Variants in PCLO observed in about 807,000 individuals in gnomAD.
The protein encoded by PCLO is protein piccolo.
A neutral mutation model predicts 427.5 loss-of-function variants in PCLO; 82 were observed. The observed-to-expected ratio is 0.19, with a 90% CI of 0.16 to 0.23. The LOEUF (loss-of-function observed/expected upper bound fraction) is 0.23, where lower values mean the gene tolerates loss of function less well. Ranked by LOEUF, PCLO falls within the 10% of genes least tolerant of loss-of-function variation. PCLO has a pLI of 1.00. For missense variants in PCLO, 6,239 were observed against 6,115.9 expected, an observed-to-expected ratio of 1.02 and a Z score of -0.67; for synonymous variants, 2,357 against 2,155.4, an observed-to-expected ratio of 1.09 and a Z score of -2.59.
In PCLO at chr7:83,097,118, TA is replaced by T. The variant is rs752278147; in HGVS notation, c.3300+37131del. On this transcript the variant is annotated intron_variant, in intron 3 of 24. Coordinates refer to ENST00000333891, the MANE Select transcript of PCLO (RefSeq NM_033026.6). ...ATATGAATATATATTATATATTATATAAATATATTATACATTATACATTATA... is the reference window on the plus strand; with the variant it reads ...ATATGAATATATATTATATATTATATAATATATTATACATTATACATTATA... 7.2e-3 allele frequency among the ~76,000 whole-genome samples: 260 copies of T among 35,928 alleles called. 44 individuals carry two copies. The highest frequency in any genetic ancestry group is 0.024 in the African/African-American group (214 of 8,780). The allele number at this position is 35,928 out of a possible 152,430, so 23.6% of individuals were successfully genotyped here.
intron 16 of PCLO, among the ~76,000 whole-genome samples, chr7:82,834,958 TTG>T (rs1792192736): frequency 1.3e-5 from 2 of 151,038 alleles, no homozygotes; most frequent in African/African-American, 4.9e-5. Flanking sequence ...TTTTTTTTGT[TTG>T]TTTGTTTGTT....
chr7:83,025,478 T>A (rs1461753370), intron 3 of PCLO, among the ~76,000 whole-genome samples: 1 of 151,800 alleles, frequency 6.6e-6, no homozygotes, highest in African/African-American at 2.4e-5. Context: ...CTACATCTGA[T>A]TGGTGTACCT....
intron 6 of PCLO, among the ~76,000 whole-genome samples, chr7:82,939,546 AT>A (rs958352299): frequency 1.5e-4 from 23 of 150,958 alleles, no homozygotes; most frequent in Non-Finnish European, 3.1e-4. Flanking sequence ...AAATATATGT[AT>A]TTTTTTCCCA....
At chr7:83,055,464 T>C (rs1789355833) in intron 3 of PCLO, among the ~76,000 whole-genome samples, 1 of 152,138 alleles carries the variant, frequency 6.6e-6, no homozygotes, top group Non-Finnish European at 1.5e-5. Flanking sequence ...AGCATAAAAT[T>C]ATTTAGTTGA....
chr7:83,088,890 C>A (rs1790306605), intron 3 of PCLO, among the ~76,000 whole-genome samples: 1 of 152,094 alleles, frequency 6.6e-6, no homozygotes, highest in African/African-American at 2.4e-5. Flanking sequence ...ACGAGATAAT[C>A]TTTTGAAAAA....
At chr7:83,076,019 T>A (rs1789941313) in intron 3 of PCLO, among the ~76,000 whole-genome samples, 1 of 151,770 alleles carries the variant, frequency 6.6e-6, no homozygotes, top group Non-Finnish European at 1.5e-5. Context: ...ATATTGAGAA[T>A]GAATTAAAAA....
intron 4 of PCLO, among the ~76,000 whole-genome samples, chr7:82,957,547 A>G (rs1437451763): frequency 3.3e-5 from 5 of 152,214 alleles, no homozygotes; most frequent in Non-Finnish European, 7.4e-5. Flanking sequence ...ATGAAACACT[A>G]TATATACTTG....
chr7:82,919,435 G>C (rs1794545362), intron 6 of PCLO, among the ~76,000 whole-genome samples: 1 of 151,934 alleles, frequency 6.6e-6, no homozygotes, highest in Non-Finnish European at 1.5e-5. Context: ...TGAAGAAATA[G>C]AGACCCAGTG....
At chr7:82,807,966 A>T (rs186622780) in intron 20 of PCLO, among the ~76,000 whole-genome samples, 1 of 152,088 alleles carries the variant, frequency 6.6e-6, no homozygotes, top group Non-Finnish European at 1.5e-5. Flanking sequence ...GTTAGTGTTA[A>T]AAAAAACTTC....
At chr7:82,866,096 A>C (rs13229774) in intron 10 of PCLO, among the ~76,000 whole-genome samples, 39,033 of 152,016 alleles carry the variant, frequency 0.26, 5,370 homozygotes, top group Middle Eastern at 0.3. Flanking sequence ...TTGGCACACA[A>C]CAAGCATGCT....
intron 10 of PCLO, among the ~76,000 whole-genome samples, chr7:82,873,342 A>T (rs752356421): frequency 6.6e-6 from 1 of 151,998 alleles, no homozygotes; most frequent in Non-Finnish European, 1.5e-5. Context: ...ATTAGAATCA[A>T]TGAGATGTAA....
intron 3 of PCLO, among the ~76,000 whole-genome samples, chr7:83,115,453 T>C (rs1014801720): frequency 6.6e-6 from 1 of 152,054 alleles, no homozygotes; most frequent in African/African-American, 2.4e-5. Context: ...AAAAGATAAA[T>C]GCCACAATCT....
intron 22 of PCLO, among the ~76,000 whole-genome samples, chr7:82,783,116 T>G (rs1375664708): frequency 1.3e-5 from 2 of 152,208 alleles, no homozygotes; most frequent in Admixed American, 6.5e-5. Context: ...AAAGGCCAAC[T>G]TTCAGAGAAA....
chr7:82,924,130 C>T (rs939633165), intron 6 of PCLO, among the ~76,000 whole-genome samples: 2 of 151,950 alleles, frequency 1.3e-5, no homozygotes, highest in African/African-American at 4.8e-5. Flanking sequence ...TATCATAGTG[C>T]CTTACTCTGA....
At chr7:82,989,123 C>A (rs1796320144) in intron 3 of PCLO, among the ~76,000 whole-genome samples, 1 of 152,048 alleles carries the variant, frequency 6.6e-6, no homozygotes, top group African/African-American at 2.4e-5. Flanking sequence ...TGCGCTTGGC[C>A]AAGGAGCAGA....
intron 6 of PCLO, among the ~76,000 whole-genome samples, chr7:82,942,548 C>T (rs979216015): frequency 6.6e-6 from 1 of 152,036 alleles, no homozygotes. Flanking sequence ...TGTTAACTAC[C>T]GAATACTAAA....
chr7:82,897,873 A>G (rs975508411), intron 9 of PCLO, among the ~76,000 whole-genome samples: 1 of 151,378 alleles, frequency 6.6e-6, no homozygotes, highest in African/African-American at 2.4e-5. Flanking sequence ...GGTTTGGGGA[A>G]ACATATCCAC....
intron 22 of PCLO, among the ~76,000 whole-genome samples, chr7:82,786,818 C>T (rs1035859035): frequency 6.6e-6 from 1 of 152,126 alleles, no homozygotes; most frequent in Non-Finnish European, 1.5e-5. Flanking sequence ...TCATCTCCCA[C>T]TTATGAGTGA....
chr7:82,810,011 C>A (rs1204605156), intron 20 of PCLO, among the ~76,000 whole-genome samples: 1 of 151,428 alleles, frequency 6.6e-6, no homozygotes, highest in East Asian at 1.9e-4. Flanking sequence ...ATGAAAGTGA[C>A]AAAAGAAAAT....
Sources: gnomAD v4.1 joint callset for allele counts (sites outside exome capture counted in the v4.1 genomes callset) on GRCh38, gnomAD v4.1.1 for gene constraint, MANE v1.5 for transcripts, NCBI Gene and HGNC (gene_info 2026-07-23, HGNC 2026-07-21) for gene names.